TADA2A: variants seen among roughly 807,000 people sequenced by gnomAD.
The protein encoded by TADA2A is transcriptional adaptor 2A.
TADA2A carries 38 observed loss-of-function variants against 67.4 expected under a neutral mutation model. The ratio of observed to expected loss-of-function variants is 0.56; its 90% confidence interval spans 0.44 to 0.74. The LOEUF (loss-of-function observed/expected upper bound fraction) is 0.74. Ranked by LOEUF, TADA2A falls within the 30% of genes least tolerant of loss-of-function variation. The probability of loss-of-function intolerance (pLI) is 0.00; values close to 1 mark genes in which losing one functional copy is unlikely to be tolerated. For synonymous variants in TADA2A, 192 were observed against 181.6 expected, an observed-to-expected ratio of 1.06 and a Z score of -0.46; for missense variants, 454 against 547.0, an observed-to-expected ratio of 0.83 and a Z score of 1.70.
intron 4 of TADA2A, among the ~76,000 whole-genome samples, chr17:37,437,281 C>T (rs1414422077): frequency 1.3e-5 from 2 of 150,816 alleles, no homozygotes; most frequent in East Asian, 1.9e-4. Context: ...TTAGTAGAGA[C>T]GGGGTTTCAC....
At chr17:37,474,177 T>C (rs1017176097) in intron 14 of TADA2A, among the ~76,000 whole-genome samples, 3 of 152,158 alleles carry the variant, frequency 2.0e-5, no homozygotes, top group Non-Finnish European at 4.4e-5. Context: ...AGATTGAGGC[T>C]ATAGTGAGCT....
chr17:37,429,683 A>G (rs1050618651), intron 4 of TADA2A, among the ~76,000 whole-genome samples: 2 of 152,172 alleles, frequency 1.3e-5, no homozygotes, highest in South Asian at 2.1e-4. Context: ...GAGCCTGACT[A>G]TTGGTGGAGT....
chr17:37,433,562 G>A (rs1192082841), intron 4 of TADA2A, among the ~76,000 whole-genome samples: 2 of 152,078 alleles, frequency 1.3e-5, no homozygotes, highest in Non-Finnish European at 2.9e-5. Flanking sequence ...GTATGGTGGA[G>A]GCAGGAGGAT....
At chr17:37,435,315 G>GTC (rs904951866) in intron 4 of TADA2A, among the ~76,000 whole-genome samples, 1 of 152,190 alleles carries the variant, frequency 6.6e-6, no homozygotes, top group Non-Finnish European at 1.5e-5. Context: ...TTGAAACGGA[G>GTC]TCTCTCTCTG....
At chr17:37,466,329 A>T (rs913127519) in intron 11 of TADA2A, among the ~76,000 whole-genome samples, 4 of 152,162 alleles carry the variant, frequency 2.6e-5, no homozygotes, top group African/African-American at 9.7e-5. Flanking sequence ...CTGAGGTGGG[A>T]GGATTGCTTG....
At chr17:37,417,149 G>A (rs1347175722) in intron 2 of TADA2A, among the ~76,000 whole-genome samples, 1 of 151,884 alleles carries the variant, frequency 6.6e-6, no homozygotes, top group East Asian at 1.9e-4. Context: ...GGAGGCTGAG[G>A]CAGACGGATC....
At chr17:37,434,316 G>A (rs2052658407) in intron 4 of TADA2A, among the ~76,000 whole-genome samples, 1 of 152,196 alleles carries the variant, frequency 6.6e-6, no homozygotes. Flanking sequence ...TAACACTGGT[G>A]ATGTTGAAAA....
At chr17:37,461,551 G>T (rs887691310) in intron 9 of TADA2A, among the ~76,000 whole-genome samples, 2 of 152,216 alleles carry the variant, frequency 1.3e-5, no homozygotes, top group Non-Finnish European at 2.9e-5. Context: ...GTAGAACTCA[G>T]TTGCTGATGT....
intron 8 of TADA2A, among the ~76,000 whole-genome samples, chr17:37,456,316 A>T (rs573094060): frequency 7.2e-5 from 11 of 152,304 alleles, no homozygotes; most frequent in African/African-American, 2.6e-4. Context: ...TAAGCAAGGG[A>T]ATTACACCAT....
At chr17:37,436,400 C>T (rs1366830642) in intron 4 of TADA2A, 1 of 152,130 alleles carries the variant, frequency 6.6e-6, no homozygotes, top group Non-Finnish European at 1.5e-5. Context: ...TTGCTTGTTG[C>T]CCACGCTGGG....
At chr17:37,413,276 C>T (rs1568127628) in intron 2 of TADA2A, among the ~76,000 whole-genome samples, 1 of 152,138 alleles carries the variant, frequency 6.6e-6, no homozygotes, top group South Asian at 2.1e-4. Flanking sequence ...TGATCACACT[C>T]CTAATATAAA....
Position 37,469,620 on chromosome 17 carries a change from C to T in TADA2A, c.896-780C>T, listed in dbSNP as rs528462999. ...TGCACTCAAGCCTGGGCAACAAGAG[C>T]GAAACTCCGTCTCAAAAAAAGATAA... is the stretch of plus-strand genomic sequence containing the variant. On this transcript the variant is annotated intron_variant, in intron 12 of 15. Transcript: ENST00000615182. Among the ~76,000 whole-genome samples, 4 of 152,130 alleles carry T rather than the reference C, an allele frequency of 2.6e-5. No individual in the cohort carries two copies. The South Asian group carries it at 6.2e-4, about 24-fold the overall frequency.
chr17:37,426,959 C>A lies in TADA2A; in HGVS notation c.142C>A (p.Arg48=). 6.3e-7 allele frequency: 1 copy of A among 1,597,784 alleles called. No individual in the cohort carries two copies. Among genetic ancestry groups the A allele is most frequent in the Non-Finnish European group, 8.5e-7 (1 of 1,175,340 alleles). ...TTTTCTTTCTTTGCAGTGTTTCACT[C>A]GAGGCTTTGAGTACAAGAAACATCA... ...PFFLCLQCFT[R]GFEYKKHQSD... is the part of the protein sequence containing the mutation. The change falls in exon 4 of 16, where the codon CGA becomes AGA. Residue 48 remains arginine, a synonymous_variant. Transcript: ENST00000615182.
chr17:37,462,226 C>T (rs564604202), intron 10 of TADA2A, 105 bp downstream of exon 10: 1 of 728,140 alleles, frequency 1.4e-6, no homozygotes, highest in Non-Finnish European at 2.3e-6. Context: ...GCATATTAGC[C>T]TGGCTATCAC....
intron 2 of TADA2A, among the ~76,000 whole-genome samples, chr17:37,413,831 T>C (rs1045958414): frequency 6.6e-6 from 1 of 152,118 alleles, no homozygotes; most frequent in Non-Finnish European, 1.5e-5. Context: ...CAGGGGTACA[T>C]GTGCAGGGTT....
At chr17:37,425,641 A>T (rs760556008) in intron 3 of TADA2A, among the ~76,000 whole-genome samples, 4 of 151,912 alleles carry the variant, frequency 2.6e-5, no homozygotes, top group Non-Finnish European at 5.9e-5. Flanking sequence ...ATGAATCTTG[A>T]TTTCAGAGAG....
intron 9 of TADA2A, among the ~76,000 whole-genome samples, chr17:37,460,877 C>A (rs1208411878): frequency 2.0e-5 from 3 of 151,916 alleles, no homozygotes; most frequent in African/African-American, 7.3e-5. Flanking sequence ...AACCTCTGGT[C>A]CTAGCTACTT....
At chr17:37,467,225 C>T (rs915885874) in intron 11 of TADA2A, among the ~76,000 whole-genome samples, 4 of 152,170 alleles carry the variant, frequency 2.6e-5, no homozygotes, top group African/African-American at 9.7e-5. Flanking sequence ...TTCTAGAAGA[C>T]AGTTCCAGCT....
intron 2 of TADA2A, among the ~76,000 whole-genome samples, chr17:37,415,788 C>T (rs1050653386): frequency 6.6e-6 from 1 of 150,548 alleles, no homozygotes; most frequent in East Asian, 2.0e-4. Flanking sequence ...GCAGGAGAAT[C>T]GCTTGAACCT....
Sources: allele counts gnomAD v4.1 joint callset (sites outside exome capture counted in the v4.1 genomes callset), GRCh38; gene constraint gnomAD v4.1.1; transcripts MANE v1.5; gene names NCBI Gene and HGNC (gene_info 2026-07-23, HGNC 2026-07-21).